GOLGA6B: variants seen among roughly 807,000 people sequenced by gnomAD.
The protein encoded by GOLGA6B is golgin A6 family member B, also known as golgin subfamily A member 6B.
GOLGA6B carries 11 observed loss-of-function variants against 63.0 expected under a neutral mutation model. That is an observed-to-expected ratio of 0.17 (90% CI 0.11 to 0.29). The LOEUF (loss-of-function observed/expected upper bound fraction) is 0.29. Among genes scored for constraint, GOLGA6B ranks in the 10% least tolerant of loss-of-function variants. The pLI, the probability that GOLGA6B is intolerant of heterozygous loss-of-function variation, is 1.00. For synonymous variants in GOLGA6B, 46 were observed against 232.6 expected, an observed-to-expected ratio of 0.20 and a Z score of 7.30; for missense variants, 134 against 563.8, an observed-to-expected ratio of 0.24 and a Z score of 7.72.
chr15:72,663,792 T>G (rs2064615440), intron 12 of GOLGA6B, among the ~76,000 whole-genome samples: 1 of 125,606 alleles, frequency 8.0e-6, no homozygotes, highest in Non-Finnish European at 1.8e-5. Flanking sequence ...CAAAAGGAAG[T>G]TAGCATTTTC....
chr15:72,664,306 C>T (rs1288643996), intron 12 of GOLGA6B, 130 bp from the exon 13 acceptor site: 3 of 1,163,382 alleles, frequency 2.6e-6, no homozygotes, highest in Admixed American at 2.1e-5. Flanking sequence ...AAGCTTGGGG[C>T]AAAGCGGTGG....
At position 72,667,633 on chromosome 15, in the gene GOLGA6B, C is replaced by A. The variant is rs1406831483; in HGVS notation, c.*1291C>A. ...TTAGTTACTCTGACGTAGGAATTTA[C>A]TTCTTTTCTTTGAATGGAAAACACT... On this transcript the variant is annotated 3_prime_UTR_variant, in exon 18 of 18. Coordinates refer to ENST00000421285, the MANE Select transcript of GOLGA6B (RefSeq NM_018652.5). 6.6e-6 allele frequency among the ~76,000 whole-genome samples: 1 copy of A among 152,146 alleles called. No individual in the cohort carries two copies. The highest frequency in any genetic ancestry group is 1.5e-5 in the Non-Finnish European group (1 of 68,052).
intron 7 of GOLGA6B, among the ~76,000 whole-genome samples, chr15:72,660,548 C>A (rs964027121): frequency 0.013 from 1,017 of 76,906 alleles, 2 homozygotes; most frequent in Middle Eastern, 0.029. Context: ...AGAAGAGCAC[C>A]TTTAGTATGT....
In GOLGA6B at chr15:72,662,458, CAG is replaced by C. The variant is rs1355128997; in HGVS notation, c.1059_1060del (p.Arg353SerfsTer9). 1.2e-5 allele frequency: 17 copies of C among 1,393,316 alleles called. 4 individuals carry two copies. Among genetic ancestry groups the C allele is most frequent in the Non-Finnish European group, 1.7e-5 (17 of 1,027,004 alleles). The allele number at this position is 1,393,316 out of a possible 1,614,324, so 86.3% of individuals were successfully genotyped here. A position where few individuals can be genotyped will look rare whatever the true frequency, so the allele number is the denominator to read the frequency against. On this transcript the variant is annotated frameshift_variant, in exon 11 of 18. Transcript: ENST00000421285. LOFTEE classifies it high-confidence loss of function. ...GGAGATGCTCCGAGAGCAGGAGGTGCAGAGAGTGCGGGAGCAGGAGAGACTGT... is the reference window on the plus strand; with the variant it reads ...GGAGATGCTCCGAGAGCAGGAGGTGCAGAGTGCGGGAGCAGGAGAGACTGT... The part of the protein sequence containing the change: ...QEEMLREQEV[Q>X]RVREQERLCE...
At chr15:72,660,950 G>A (rs1020643534) in intron 7 of GOLGA6B, among the ~76,000 whole-genome samples, 6 of 150,618 alleles carry the variant, frequency 4.0e-5, no homozygotes, top group East Asian at 3.9e-4. Flanking sequence ...CTCATATGGT[G>A]GTTGTGAGGA....
rs569844685 is a variant in GOLGA6B at position 72,664,202 on chromosome 15, G to A, written c.1426-234G>A. On this transcript the variant is annotated intron_variant, in intron 12 of 17. Transcript: ENST00000421285. ...GTACCTGGGTCACCTGCAGCAGTAC[G>A]TGGCCACCTATCAGCAGCTGACCTC... 4.4e-3 allele frequency among the ~76,000 whole-genome samples: 578 copies of A among 130,076 alleles called. 71 individuals carry two copies. Among genetic ancestry groups the A allele is most frequent in the East Asian group, 0.03 (124 of 4,098 alleles). The allele number at this position is 130,076 out of a possible 152,430, so 85.3% of individuals were successfully genotyped here.
At chr15:72,663,880 T>C (rs1451899576) in intron 12 of GOLGA6B, among the ~76,000 whole-genome samples, 3 of 129,390 alleles carry the variant, frequency 2.3e-5, no homozygotes, top group East Asian at 4.8e-4. Context: ...AGATGGTGGT[T>C]GGCTCCCTCT....
chr15:72,662,168 T>TTTTTTG, intron 10 of GOLGA6B, 84 bp from the exon 11 acceptor site: 2 of 440,376 alleles, frequency 4.5e-6, no homozygotes, highest in East Asian at 5.9e-5. Flanking sequence ...CAAGAGGAGG[T>TTTTTTG]TTTTTTTTTT....
At chr15:72,661,226 G>C (rs2064594630) in intron 7 of GOLGA6B, 38 bp from the exon 8 acceptor site, 1 of 1,611,160 alleles carries the variant, frequency 6.2e-7, no homozygotes, top group South Asian at 1.1e-5. Flanking sequence ...CACTGCCTGA[G>C]CTCCCCAGAT....
chr15:72,664,382 G>T lies in GOLGA6B; in HGVS notation c.1426-54G>T. On this transcript the variant is annotated intron_variant, in intron 12 of 17. Transcript: ENST00000421285. ...GCAGTTGCTGAGGACGGGGCCCCGA[G>T]GGGGATGACCTGGCAACCTCCGTGC... is the stretch of plus-strand genomic sequence containing the variant. 3 of 1,311,080 alleles carry T rather than the reference G, an allele frequency of 2.3e-6. 1 individual carries two copies. Among genetic ancestry groups the T allele is most frequent in the South Asian group, 2.9e-5 (2 of 68,930 alleles). 81.2% of individuals were successfully genotyped at this position (1,311,080 alleles called of 1,614,324 possible).
rs1175211028 is a variant in GOLGA6B, at chr15:72,669,409, G to T, written c.*3067G>T. On this transcript the variant is annotated 3_prime_UTR_variant, in exon 18 of 18. Transcript: ENST00000421285. Reference sequence around the variant, plus strand: ...AAGAAAGAAACTGGGGGAAGGAAAAGTAGAGAAAGAAATGCCAATTCCAAT... The same window carrying T: ...AAGAAAGAAACTGGGGGAAGGAAAATTAGAGAAAGAAATGCCAATTCCAAT... Among the ~76,000 whole-genome samples the T allele has an allele frequency of 6.6e-6, 1 of 150,662 alleles. No homozygotes were observed. Among genetic ancestry groups the T allele is most frequent in the East Asian group, 1.9e-4 (1 of 5,148 alleles).
chr15:72,660,968 G>T (rs2064593008), intron 7 of GOLGA6B, among the ~76,000 whole-genome samples: 1 of 151,006 alleles, frequency 6.6e-6, no homozygotes, highest in African/African-American at 2.5e-5. Flanking sequence ...GGATTAAATG[G>T]GATCGCTAGC....
chr15:72,664,923 C>T (rs1469117124), intron 13 of GOLGA6B, 21 bp from the exon 14 acceptor site: 2 of 698,274 alleles, frequency 2.9e-6, no homozygotes, highest in Admixed American at 4.7e-5. Context: ...TCTGAGGACC[C>T]CTCTGGCCAC....
At position 72,662,437 on chromosome 15, in the gene GOLGA6B, A is replaced by C. The variant is rs747238708; in HGVS notation, c.1033A>C (p.Met345Leu). The C allele has an allele frequency of 2.2e-6, 3 of 1,394,282 alleles. No individual in the cohort carries two copies. The highest frequency in any genetic ancestry group is 2.9e-6 in the Non-Finnish European group (3 of 1,027,412). The allele number at this position is 1,394,282 out of a possible 1,614,324, so 86.4% of individuals were successfully genotyped here. The change falls in exon 11 of 18, where the codon ATG (methionine) becomes CTG (leucine). Residue 345 changes from methionine to leucine, a missense_variant. Transcript: ENST00000421285. Reference protein sequence around the residue: ...QKQRLQEQEEMLREQEVQRVR... With the variant: ...QKQRLQEQEELLREQEVQRVR... ...GCAGAGACTCCAGGAGCAGGAGGAG[A>C]TGCTCCGAGAGCAGGAGGTGCAGAG...
intron 12 of GOLGA6B, among the ~76,000 whole-genome samples, chr15:72,663,641 G>A (rs2064614744): frequency 7.8e-6 from 1 of 127,904 alleles, no homozygotes; most frequent in African/African-American, 2.7e-5. Context: ...TTGCACCACT[G>A]CACTCCAGCC....
In GOLGA6B at chr15:72,664,348, C is replaced by A; in HGVS notation, c.1426-88C>A. On this transcript the variant is annotated intron_variant, in intron 12 of 17. Transcript: ENST00000421285. ...TGGCCGGCCAAAAGTTGCAGGAGAC[C>A]CAGGGGAGGCAGTTGCTGAGGACGG... 4.8e-6 allele frequency: 6 copies of A among 1,257,914 alleles called. 1 individual carries two copies. The highest frequency in any genetic ancestry group is 6.6e-6 in the Non-Finnish European group (6 of 914,466). The allele number at this position is 1,257,914 out of a possible 1,614,324, so 77.9% of individuals were successfully genotyped here.
intron 14 of GOLGA6B, among the ~76,000 whole-genome samples, 188 bp downstream of exon 14, chr15:72,665,223 T>A (rs1292077917): frequency 1.7e-5 from 2 of 118,736 alleles, no homozygotes; most frequent in Admixed American, 1.7e-4. Context: ...AAGGGGTTGT[T>A]CTCCACCTCC....
chr15:72,662,097 TG>T (rs1181895778), intron 10 of GOLGA6B, among the ~76,000 whole-genome samples, 154 bp from the exon 11 acceptor site: 1 of 101,992 alleles, frequency 9.8e-6, no homozygotes, highest in African/African-American at 3.7e-5. Context: ...TGGCTACCAT[TG>T]GGTGCGAGGA....
rs2064651389 is a variant in GOLGA6B at position 72,669,165 on chromosome 15, C to T, written c.*2823C>T. Among the ~76,000 whole-genome samples the T allele has an allele frequency of 6.6e-6, 1 of 152,098 alleles. No homozygotes were observed. The highest frequency in any genetic ancestry group is 6.5e-5 in the Admixed American group (1 of 15,278). On this transcript the variant is annotated 3_prime_UTR_variant, in exon 18 of 18. Coordinates refer to ENST00000421285, the MANE Select transcript of GOLGA6B (RefSeq NM_018652.5). ...ATCATTTTTAAAGTATTTGTTTAAC[C>T]TGATGGGTTTTCCAGAAATGAAAAC...
Sources: gnomAD v4.1 joint callset for allele counts (sites outside exome capture counted in the v4.1 genomes callset) on GRCh38, gnomAD v4.1.1 for gene constraint, MANE v1.5 for transcripts, NCBI Gene and HGNC (gene_info 2026-07-23, HGNC 2026-07-21) for gene names.